CNTN6: variants seen among roughly 807,000 people sequenced by gnomAD.
CNTN6 encodes the protein contactin 6.
A neutral mutation model predicts 122.8 loss-of-function variants in CNTN6; 137 were observed. That is an observed-to-expected ratio of 1.12 (90% confidence interval 0.97 to 1.29). The LOEUF (loss-of-function observed/expected upper bound fraction) is 1.29, where lower values mean the gene tolerates loss of function less well. Ranked by LOEUF, CNTN6 falls within the 50% of genes most tolerant of loss-of-function variation. CNTN6 has a pLI of 0.00. For synonymous variants in CNTN6, 570 were observed against 426.0 expected (o/e 1.34, Z -4.16); for missense variants, 1,634 against 1,223.4 (o/e 1.34, Z -5.01).
chr3:1,278,743 C>T (rs1041272620), intron 5 of CNTN6, among the ~76,000 whole-genome samples: 4 of 152,128 alleles, frequency 2.6e-5, no homozygotes, highest in East Asian at 1.9e-4. Context: ...TGGCATTGTA[C>T]GTAGTGTGAG....
At chr3:1,174,033 C>A (rs1391917) in intron 2 of CNTN6, among the ~76,000 whole-genome samples, 1 of 151,994 alleles carries the variant, frequency 6.6e-6, no homozygotes, top group Non-Finnish European at 1.5e-5. Context: ...TAATAGAAAA[C>A]TCTACATTCA....
At chr3:1,191,263 G>A (rs1213269909) in intron 2 of CNTN6, among the ~76,000 whole-genome samples, 1 of 152,092 alleles carries the variant, frequency 6.6e-6, no homozygotes, top group African/African-American at 2.4e-5. Context: ...GTGACTCATG[G>A]TGGGCTCCTG....
chr3:1,317,314 A>T (rs1700229176), intron 7 of CNTN6, among the ~76,000 whole-genome samples: 2 of 151,850 alleles, frequency 1.3e-5, no homozygotes, highest in Admixed American at 1.3e-4. Context: ...ATATCATGTA[A>T]TTCAATCACA....
intron 11 of CNTN6, among the ~76,000 whole-genome samples, chr3:1,330,689 C>T (rs903876411): frequency 4.6e-5 from 7 of 151,796 alleles, no homozygotes; most frequent in Non-Finnish European, 1.0e-4. Context: ...TAGTCCCTTT[C>T]GTTCAATGAG....
intron 5 of CNTN6, among the ~76,000 whole-genome samples, chr3:1,291,043 G>T (rs1313414437): frequency 6.6e-6 from 1 of 152,112 alleles, no homozygotes; most frequent in Non-Finnish European, 1.5e-5. Context: ...AGTTGCTCTG[G>T]TTCAAAGGCC....
chr3:1,390,525 T>C (rs1483639681), intron 20 of CNTN6, among the ~76,000 whole-genome samples: 1 of 151,588 alleles, frequency 6.6e-6, no homozygotes, highest in Non-Finnish European at 1.5e-5. Flanking sequence ...GCAAACACAT[T>C]CAAAAGCTGG....
rs2093085530 is a variant in CNTN6, at chr3:1,159,962, A to C, written c.55+11899A>C. The stretch of plus-strand genomic sequence containing the variant: ...CAGCCTCCTGAATAGATGGGATTAC[A>C]GGCATGCGCCACCACACCTGGCTAA... On this transcript the variant is annotated intron_variant, in intron 2 of 22. Coordinates refer to ENST00000446702, the MANE Select transcript of CNTN6 (RefSeq NM_001289080.2). 2.6e-5 allele frequency among the ~76,000 whole-genome samples: 4 copies of C among 151,946 alleles called. No individual in the cohort carries two copies. In the South Asian group the frequency reaches 8.3e-4, roughly 32 times the overall value.
chr3:1,200,045 C>CT (rs890859686), intron 2 of CNTN6, among the ~76,000 whole-genome samples: 2 of 151,650 alleles, frequency 1.3e-5, no homozygotes, highest in Non-Finnish European at 2.9e-5. Context: ...ATATATATGT[C>CT]TTTTTTTTAG....
intron 11 of CNTN6, among the ~76,000 whole-genome samples, chr3:1,344,314 C>T (rs1038165226): frequency 1.3e-5 from 2 of 152,132 alleles, no homozygotes; most frequent in African/African-American, 4.8e-5. Context: ...GGTAGCTTGA[C>T]ATCGTAGGTT....
chr3:1,125,978 T>C (rs1286177988), intron 1 of CNTN6, among the ~76,000 whole-genome samples: 1 of 151,972 alleles, frequency 6.6e-6, no homozygotes, highest in East Asian at 1.9e-4. Context: ...TTTCACAGGA[T>C]TTTTCAAATT....
chr3:1,112,321 A>G (rs2091518955), intron 1 of CNTN6, among the ~76,000 whole-genome samples: 1 of 152,198 alleles, frequency 6.6e-6, no homozygotes, highest in Non-Finnish European at 1.5e-5. Flanking sequence ...ACTCTCGATT[A>G]TGCAGACTGA....
At chr3:1,096,270 AGT>A (rs2090522882) in intron 1 of CNTN6, among the ~76,000 whole-genome samples, 1 of 150,608 alleles carries the variant, frequency 6.6e-6, no homozygotes, top group Non-Finnish European at 1.5e-5. Flanking sequence ...TGTGTGTGTG[AGT>A]GTGTGTATGG....
At chr3:1,361,991 A>G (rs1300612235) in intron 12 of CNTN6, among the ~76,000 whole-genome samples, 1 of 152,148 alleles carries the variant, frequency 6.6e-6, no homozygotes, top group African/African-American at 2.4e-5. Flanking sequence ...TGAAAGGGAG[A>G]CACAAATAGA....
chr3:1,121,433 A>G (rs953951883), intron 1 of CNTN6, among the ~76,000 whole-genome samples: 1 of 151,932 alleles, frequency 6.6e-6, no homozygotes, highest in Non-Finnish European at 1.5e-5. Context: ...GTAGTTTGCC[A>G]TATTAATTTT....
intron 1 of CNTN6, among the ~76,000 whole-genome samples, chr3:1,140,157 A>G (rs1004446456): frequency 6.6e-6 from 1 of 152,208 alleles, no homozygotes; most frequent in Non-Finnish European, 1.5e-5. Context: ...CCTTTTTAGG[A>G]ACGGAAAGTC....
chr3:1,308,907 T>G (rs1698792576), intron 7 of CNTN6, among the ~76,000 whole-genome samples: 2 of 152,216 alleles, frequency 1.3e-5, no homozygotes, highest in South Asian at 4.1e-4. Flanking sequence ...TCTTTTAATG[T>G]GATTATTTGC....
rs1695835268 is a variant in CNTN6, at chr3:1,402,381, G to A, written c.2881G>A (p.Glu961Lys). 1 of 1,612,460 alleles carries A rather than the reference G, an allele frequency of 6.2e-7. No homozygotes were observed. The highest frequency in any genetic ancestry group is 1.3e-5 in the African/African-American group (1 of 74,844). The change falls in exon 22 of 23, where the codon GAG (glutamate) becomes AAG (lysine). Residue 961 changes from glutamate (E) to lysine (K), a missense_variant. Transcript: ENST00000446702. ...HILETNNTSA[E>K]LLVPFEEDYL... Reference sequence around the variant, plus strand: ...TTTGGAAACAAACAATACATCAGCTGAGCTTCTGGTTCCATTTGAAGAAGA... The same window carrying A: ...TTTGGAAACAAACAATACATCAGCTAAGCTTCTGGTTCCATTTGAAGAAGA...
At chr3:1,111,918 A>G (rs1000539028) in intron 1 of CNTN6, among the ~76,000 whole-genome samples, 1 of 152,092 alleles carries the variant, frequency 6.6e-6, no homozygotes, top group Non-Finnish European at 1.5e-5. Flanking sequence ...TTCCTCTAAT[A>G]TATACATATT....
chr3:1,330,202 C>G (rs1702100356), intron 11 of CNTN6, among the ~76,000 whole-genome samples: 1 of 151,838 alleles, frequency 6.6e-6, no homozygotes, highest in South Asian at 2.1e-4. Flanking sequence ...AGACCTTTTT[C>G]TACATTCAGT....
Sources: allele counts gnomAD v4.1 joint callset (sites outside exome capture counted in the v4.1 genomes callset), GRCh38; gene constraint gnomAD v4.1.1; transcripts MANE v1.5; gene names NCBI Gene and HGNC (gene_info 2026-07-23, HGNC 2026-07-21).